DCLK2: variants seen among roughly 807,000 people sequenced by gnomAD.
DCLK2 encodes the protein doublecortin like kinase 2.
DCLK2 carries 31 observed loss-of-function variants against 78.4 expected under a neutral mutation model. The observed-to-expected ratio is 0.40, with a 90% CI of 0.30 to 0.53. The LOEUF (loss-of-function observed/expected upper bound fraction) is 0.53. Ranked by LOEUF, DCLK2 falls within the 20% of genes least tolerant of loss-of-function variation. The probability of loss-of-function intolerance (pLI) is 0.61; values close to 1 mark genes in which losing one functional copy is unlikely to be tolerated. For synonymous variants in DCLK2, 407 were observed against 374.9 expected, an observed-to-expected ratio of 1.09 and a Z score of -0.99; for missense variants, 872 against 973.7, an observed-to-expected ratio of 0.90 and a Z score of 1.39.
At chr4:150,209,329 A>G (rs1162317688) in intron 5 of DCLK2, among the ~76,000 whole-genome samples, 1 of 152,048 alleles carries the variant, frequency 6.6e-6, no homozygotes, top group African/African-American at 2.4e-5. Flanking sequence ...AGCCTCTCTC[A>G]CCTCAGTGGC....
intron 2 of DCLK2, among the ~76,000 whole-genome samples, chr4:150,148,473 T>C (rs1734639693): frequency 6.6e-6 from 1 of 151,964 alleles, no homozygotes; most frequent in Non-Finnish European, 1.5e-5. Flanking sequence ...TCATAGCACA[T>C]TGCAGACTCA....
At position 150,083,487 on chromosome 4, in the gene DCLK2, A is replaced by C. The variant is rs144636723; in HGVS notation, c.421+4039A>C. Among the ~76,000 whole-genome samples the C allele has an allele frequency of 2.6e-3, 390 of 152,316 alleles. 3 individuals carry two copies. Among genetic ancestry groups the C allele is most frequent in the African/African-American group, 8.8e-3 (367 of 41,552 alleles). On this transcript the variant is annotated intron_variant, in intron 1 of 15. Transcript: ENST00000296550. ...TGAGGTCCTCCTACCAAACCTATCT[A>C]CCGCATCTGTTTGGTTAGGTCAGTT... is the stretch of plus-strand genomic sequence containing the variant.
At chr4:150,084,128 A>G (rs180859024) in intron 1 of DCLK2, among the ~76,000 whole-genome samples, 1 of 152,216 alleles carries the variant, frequency 6.6e-6, no homozygotes, top group African/African-American at 2.4e-5. Flanking sequence ...CTCTGCTTAC[A>G]GCATTTTTCT....
intron 2 of DCLK2, among the ~76,000 whole-genome samples, chr4:150,182,891 G>A (rs994948217): frequency 8.5e-5 from 13 of 152,192 alleles, no homozygotes; most frequent in African/African-American, 3.1e-4. Context: ...CTCTTAGATA[G>A]AGACAGCCTT....
At chr4:150,138,350 C>G (rs900953760) in intron 2 of DCLK2, among the ~76,000 whole-genome samples, 2 of 152,050 alleles carry the variant, frequency 1.3e-5, no homozygotes, top group Non-Finnish European at 2.9e-5. Context: ...GGCTCATGCC[C>G]GTAATCCCAG....
At chr4:150,233,496 T>C (rs753881419) in intron 10 of DCLK2, among the ~76,000 whole-genome samples, 4 of 152,162 alleles carry the variant, frequency 2.6e-5, no homozygotes, top group Non-Finnish European at 4.4e-5. Context: ...GAAGAATAAA[T>C]TTGAGACAGA....
At chr4:150,140,681 C>T (rs1734051369) in intron 2 of DCLK2, among the ~76,000 whole-genome samples, 1 of 152,134 alleles carries the variant, frequency 6.6e-6, no homozygotes, top group Non-Finnish European at 1.5e-5. Context: ...ATTTACTTTT[C>T]ACAGGAATCC....
chr4:150,155,851 A>G (rs2150235312), intron 2 of DCLK2, among the ~76,000 whole-genome samples: 1 of 152,300 alleles, frequency 6.6e-6, no homozygotes, highest in South Asian at 2.1e-4. Context: ...GGTTGGAAAC[A>G]TGGGAATTGA....
At chr4:150,094,136 G>A (rs897069203) in intron 1 of DCLK2, among the ~76,000 whole-genome samples, 1 of 152,168 alleles carries the variant, frequency 6.6e-6, no homozygotes, top group Non-Finnish European at 1.5e-5. Flanking sequence ...CATGACATTA[G>A]TCTTGGCAAT....
At chr4:150,239,639 T>G in intron 10 of DCLK2, 103 bp from the exon 11 acceptor site, 1 of 1,407,760 alleles carries the variant, frequency 7.1e-7, no homozygotes, top group Non-Finnish European at 9.7e-7. Context: ...CATTCGAGTT[T>G]AATAGTAAAT....
In DCLK2 at chr4:150,238,979, G is replaced by C. The variant is rs62344498; in HGVS notation, c.1567-763G>C. On this transcript the variant is annotated intron_variant, in intron 10 of 15. Coordinates refer to ENST00000296550, the MANE Select transcript of DCLK2 (RefSeq NM_001040260.4). ...CAATTTTATTTTCTGAACTAAACAT[G>C]CTAGTGCCGTGGAGATCACCAAGTG... Among the ~76,000 whole-genome samples the C allele has an allele frequency of 6.5e-3, 984 of 152,278 alleles. 7 individuals are homozygous for C. Among genetic ancestry groups the C allele is most frequent in the Non-Finnish European group, 0.012 (784 of 68,020 alleles).
rs1229307124 is a variant in DCLK2 at position 150,186,596 on chromosome 4, T to C, written c.757-6542T>C. On this transcript the variant is annotated intron_variant, in intron 2 of 15. Transcript: ENST00000296550. ...CATATTATAGTAGGCACTTGATTAA[T>C]GTTAGAATGAATGAATGTGCAGTAG... 2.6e-5 allele frequency among the ~76,000 whole-genome samples: 4 copies of C among 152,236 alleles called. No homozygotes were observed. In the East Asian group the frequency reaches 7.7e-4, roughly 29 times the overall value.
intron 5 of DCLK2, among the ~76,000 whole-genome samples, chr4:150,216,715 C>T (rs1249198027): frequency 6.6e-6 from 1 of 152,124 alleles, no homozygotes; most frequent in African/African-American, 2.4e-5. Flanking sequence ...GGAGCCACTG[C>T]TGCCAGAGAA....
At chr4:150,231,309 T>C (rs1030562264) in intron 8 of DCLK2, among the ~76,000 whole-genome samples, 2 of 152,232 alleles carry the variant, frequency 1.3e-5, no homozygotes, top group African/African-American at 4.8e-5. Flanking sequence ...AAATTTGCAC[T>C]GTCACTCGCT....
At chr4:150,090,441 A>G (rs1171855116) in intron 1 of DCLK2, among the ~76,000 whole-genome samples, 3 of 147,132 alleles carry the variant, frequency 2.0e-5, no homozygotes, top group Non-Finnish European at 4.4e-5. Context: ...AACAAAACAA[A>G]ACAAAAAAAC....
At position 150,107,900 on chromosome 4, in the gene DCLK2, G is replaced by A. The variant is rs567611774; in HGVS notation, c.756+5088G>A. ...GCAGGAGGATTACTTGAGCTCAGGA[G>A]TTCGAGGCTGCAGTGAGCTATGATC... On this transcript the variant is annotated intron_variant, in intron 2 of 15. Coordinates refer to ENST00000296550, the MANE Select transcript of DCLK2 (RefSeq NM_001040260.4). 8.5e-5 allele frequency among the ~76,000 whole-genome samples: 13 copies of A among 152,158 alleles called. No individual in the cohort carries two copies. In the South Asian group the frequency reaches 2.7e-3, roughly 32 times the overall value.
chr4:150,084,955 A>G (rs1166643591), intron 1 of DCLK2, among the ~76,000 whole-genome samples: 1 of 152,156 alleles, frequency 6.6e-6, no homozygotes, highest in Non-Finnish European at 1.5e-5. Context: ...CTGCATTGCT[A>G]CCATTTACTA....
At chr4:150,136,818 A>AT (rs1280545960) in intron 2 of DCLK2, among the ~76,000 whole-genome samples, 1 of 152,086 alleles carries the variant, frequency 6.6e-6, no homozygotes, top group Non-Finnish European at 1.5e-5. Flanking sequence ...AGGGTACAGG[A>AT]TTTTTTAAAA....
chr4:150,204,767 C>G (rs1739719446), intron 5 of DCLK2, among the ~76,000 whole-genome samples: 1 of 152,060 alleles, frequency 6.6e-6, no homozygotes, highest in Non-Finnish European at 1.5e-5. Context: ...TGGTACAAAC[C>G]TGTAATCCCA....
Sources: gnomAD v4.1 joint callset for allele counts (sites outside exome capture counted in the v4.1 genomes callset) on GRCh38, gnomAD v4.1.1 for gene constraint, MANE v1.5 for transcripts, NCBI Gene and HGNC (gene_info 2026-07-23, HGNC 2026-07-21) for gene names.